Variants in NRG1 observed in about 807,000 individuals in gnomAD.
NRG1 encodes the protein pro-neuregulin-1, membrane-bound isoform.
NRG1 carries 18 observed loss-of-function variants against 63.8 expected under a neutral mutation model. The observed-to-expected ratio is 0.28, with a 90% CI of 0.19 to 0.42. The LOEUF is 0.42. NRG1 is among the 10% of genes least tolerant of loss of function. The pLI is 1.00. For missense variants in NRG1, 762 were observed against 814.7 expected (o/e 0.94, Z 0.79); for synonymous variants, 302 against 301.3 (o/e 1.00, Z -0.02).
At chr8:32,417,389 G>A (rs1816071191) in intron 1 of NRG1, among the ~76,000 whole-genome samples, 2 of 152,068 alleles carry the variant, frequency 1.3e-5, no homozygotes, top group South Asian at 2.1e-4. Context: ...TGAGGTACAG[G>A]GAGCATCTAA....
chr8:32,395,306 T>G (rs1218825079), intron 1 of NRG1, among the ~76,000 whole-genome samples: 1 of 152,226 alleles, frequency 6.6e-6, no homozygotes, highest in African/African-American at 2.4e-5. Flanking sequence ...GTACCACTTT[T>G]AAATATTGCC....
At chr8:31,952,531 G>C (rs1586025398) in intron 1 of NRG1, among the ~76,000 whole-genome samples, 1 of 152,220 alleles carries the variant, frequency 6.6e-6, no homozygotes, top group African/African-American at 2.4e-5. Context: ...ACTTCAACAA[G>C]ATATTTGAAG....
At chr8:32,060,522 T>C (rs1165810940) in intron 1 of NRG1, among the ~76,000 whole-genome samples, 1 of 151,922 alleles carries the variant, frequency 6.6e-6, no homozygotes, top group Non-Finnish European at 1.5e-5. Flanking sequence ...AACAATAATT[T>C]TTGTTTTGCT....
intron 1 of NRG1, among the ~76,000 whole-genome samples, chr8:32,520,781 G>C (rs950136800): frequency 6.6e-6 from 1 of 152,156 alleles, no homozygotes; most frequent in Non-Finnish European, 1.5e-5. Context: ...CAATTTCTAA[G>C]TTTTAACTTG....
intron 1 of NRG1, among the ~76,000 whole-genome samples, chr8:32,576,604 A>T (rs2466071): frequency 0.48 from 73,511 of 151,810 alleles, 18,024 homozygotes; most frequent in East Asian, 0.78. Flanking sequence ...TGGGGTGGAC[A>T]TTAACTCTGT....
intron 1 of NRG1, among the ~76,000 whole-genome samples, chr8:32,400,055 T>C (rs1229234517): frequency 1.3e-5 from 2 of 152,186 alleles, no homozygotes; most frequent in African/African-American, 4.8e-5. Context: ...GAGGTACCAA[T>C]ACCAGTTTCT....
chr8:32,710,241 C>A (rs1393310302), intron 5 of NRG1, among the ~76,000 whole-genome samples: 1 of 152,154 alleles, frequency 6.6e-6, no homozygotes, highest in Admixed American at 6.5e-5. Context: ...ATGAACCTAA[C>A]ATCAAATGTC....
At chr8:32,592,806 A>G (rs776694620) in intron 1 of NRG1, among the ~76,000 whole-genome samples, 1 of 152,194 alleles carries the variant, frequency 6.6e-6, no homozygotes, top group Non-Finnish European at 1.5e-5. Flanking sequence ...CACTCAGACA[A>G]TGTAGGCATT....
intron 1 of NRG1, among the ~76,000 whole-genome samples, chr8:31,840,880 T>A (rs13268724): frequency 0.14 from 21,866 of 152,158 alleles, 1,717 homozygotes; most frequent in South Asian, 0.18. Flanking sequence ...TCAGTTCCTA[T>A]ACAGCCAAGT....
chr8:32,638,839 A>G (rs1366315073), intron 5 of NRG1, among the ~76,000 whole-genome samples: 2 of 152,156 alleles, frequency 1.3e-5, no homozygotes, highest in Non-Finnish European at 2.9e-5. Flanking sequence ...GGAAAAGGAG[A>G]TTGGCATTTC....
intron 1 of NRG1, among the ~76,000 whole-genome samples, chr8:32,157,541 C>T (rs1344895829): frequency 2.6e-5 from 4 of 151,526 alleles, no homozygotes; most frequent in African/African-American, 9.7e-5. Context: ...TGCCTGTAAT[C>T]GCAGCTACTC....
At chr8:32,269,502 T>C (rs1391022427) in intron 1 of NRG1, among the ~76,000 whole-genome samples, 1 of 152,122 alleles carries the variant, frequency 6.6e-6, no homozygotes, top group African/African-American at 2.4e-5. Context: ...TCACATTCTG[T>C]CTCACCACAG....
intron 1 of NRG1, among the ~76,000 whole-genome samples, chr8:32,506,879 C>A (rs1295633009): frequency 6.6e-6 from 1 of 151,708 alleles, no homozygotes; most frequent in Non-Finnish European, 1.5e-5. Context: ...GACCCTGCCT[C>A]TAAAAAAAAT....
chr8:32,187,253 G>A (rs148620249), intron 1 of NRG1, among the ~76,000 whole-genome samples: 108 of 152,182 alleles, frequency 7.1e-4, no homozygotes, highest in African/African-American at 2.0e-3. Context: ...AAAAGTGGGC[G>A]CATTAGTGAG....
chr8:32,751,356 T>G (rs1219516270), intron 7 of NRG1, among the ~76,000 whole-genome samples: 1 of 152,178 alleles, frequency 6.6e-6, no homozygotes, highest in African/African-American at 2.4e-5. Flanking sequence ...CCATGAAGAC[T>G]CTGGGGCATT....
chr8:31,819,864 A>C (rs1355349246), intron 1 of NRG1, among the ~76,000 whole-genome samples: 2 of 152,190 alleles, frequency 1.3e-5, no homozygotes, highest in African/African-American at 2.4e-5. Flanking sequence ...ATTAATAAAA[A>C]CTATAGGTAA....
chr8:32,055,672 CTTT>C (rs59551293), intron 1 of NRG1, among the ~76,000 whole-genome samples: 20 of 137,282 alleles, frequency 1.5e-4, no homozygotes, highest in Admixed American at 3.6e-4. Flanking sequence ...TATTTTGACA[CTTT>C]TTTTTTTTTT....
intron 1 of NRG1, among the ~76,000 whole-genome samples, chr8:32,145,592 T>C (rs2046201): frequency 0.059 from 8,988 of 152,260 alleles, 542 homozygotes; most frequent in East Asian, 0.35. Context: ...TTATGAGGAA[T>C]TAATCCAGGC....
At position 32,759,485 on chromosome 8, in the gene NRG1, G is replaced by A. The variant is rs1169340107; in HGVS notation, c.1052+49G>A. ...GGCTTTTCTCTCAGAATGAATTGTT[G>A]CACATTGCCTTTTGATATCCCTGCC... On this transcript the variant is annotated intron_variant, in intron 10 of 11. Transcript: ENST00000356819. 1.9e-6 allele frequency: 3 copies of A among 1,590,734 alleles called. No individual in the cohort carries two copies. In the African/African-American group the frequency reaches 4.0e-5, roughly 21 times the overall value.
Sources: gnomAD v4.1 joint callset for allele counts (sites outside exome capture counted in the v4.1 genomes callset) on GRCh38, gnomAD v4.1.1 for gene constraint, MANE v1.5 for transcripts, NCBI Gene and HGNC (gene_info 2026-07-23, HGNC 2026-07-21) for gene names.